The following ELAVL2 variants were observed in gnomAD, a reference collection of about 807,000 sequenced individuals.
The protein encoded by ELAVL2 is ELAV-like protein 2.
Under a neutral mutation model 34.6 loss-of-function variants are expected in ELAVL2, and 4 were observed. The observed-to-expected ratio is 0.12, with a 90% CI of 0.06 to 0.26. The LOEUF is 0.26. Ranked by LOEUF, ELAVL2 falls within the 10% of genes least tolerant of loss-of-function variation. The pLI is 1.00. For synonymous variants in ELAVL2, 193 were observed against 154.8 expected (o/e 1.25, Z -1.83); for missense variants, 432 against 442.8 (o/e 0.98, Z 0.22).
Position 23,750,031 on chromosome 9 carries a change from G to GAA in ELAVL2, c.229+11973_229+11974dup, listed in dbSNP as rs10718431. 9.7e-3 allele frequency among the ~76,000 whole-genome samples: 1,324 copies of GAA among 136,654 alleles called. 14 individuals are homozygous for GAA. Among genetic ancestry groups the GAA allele is most frequent in the African/African-American group, 0.032 (1,208 of 37,918 alleles). 89.7% of individuals were successfully genotyped at this position (136,654 alleles called of 152,430 possible). A position where few individuals can be genotyped will look rare whatever the true frequency, so the allele number is the denominator to read the frequency against. On this transcript the variant is annotated intron_variant, in intron 2 of 6. Transcript: ENST00000397312. ...CTCCAAGGGTACTGTCTTAAAAAAGGAAAAAAAAAAAAAAGACTCTTTAAA... is the reference window on the plus strand; with the variant it reads ...CTCCAAGGGTACTGTCTTAAAAAAGGAAAAAAAAAAAAAAAAGACTCTTTAAA...
At chr9:23,832,482 T>C in the ELAVL2 span, among the ~76,000 whole-genome samples, 1 of 152,212 alleles carries the variant, frequency 6.6e-6, no homozygotes, top group Non-Finnish European at 1.5e-5. Flanking sequence ...TTCACAAATA[T>C]TTAATATATG....
chr9:23,693,868 C>G (rs1414192127), intron 5 of ELAVL2, among the ~76,000 whole-genome samples: 2 of 152,190 alleles, frequency 1.3e-5, no homozygotes, highest in Non-Finnish European at 2.9e-5. Flanking sequence ...TTGGTGCCTG[C>G]AGATACCTAA....
chr9:23,724,100 T>C (rs890989464), intron 3 of ELAVL2, among the ~76,000 whole-genome samples: 1 of 152,212 alleles, frequency 6.6e-6, no homozygotes, highest in Non-Finnish European at 1.5e-5. Flanking sequence ...AGTTTAAGCA[T>C]CTGCCATGAG....
intron 2 of ELAVL2, among the ~76,000 whole-genome samples, chr9:23,749,793 G>A (rs746593840): frequency 1.3e-5 from 2 of 152,020 alleles, no homozygotes; most frequent in Non-Finnish European, 2.9e-5. Flanking sequence ...CCATCAATTT[G>A]GTCCTGCTTG....
chr9:23,751,745 C>T (rs1300820440), intron 2 of ELAVL2, among the ~76,000 whole-genome samples: 2 of 152,096 alleles, frequency 1.3e-5, no homozygotes, highest in Non-Finnish European at 2.9e-5. Context: ...TTCGAAAGCC[C>T]AGTAATAGCT....
intron 2 of ELAVL2, among the ~76,000 whole-genome samples, chr9:23,759,606 C>T (rs1588175716): frequency 6.6e-6 from 1 of 151,116 alleles, no homozygotes; most frequent in South Asian, 2.1e-4. Flanking sequence ...TGCTATAATA[C>T]CCTGCTTGAT....
At chr9:23,821,859 G>A (rs1056356108) in intron 1 of ELAVL2, 4 of 151,462 alleles carry the variant, frequency 2.6e-5, no homozygotes, top group South Asian at 2.1e-4. Context: ...AGCGGGGCGG[G>A]AAGGAGGGGC....
intron 1 of ELAVL2, among the ~76,000 whole-genome samples, chr9:23,785,431 A>G (rs1291396279): frequency 1.3e-5 from 2 of 152,232 alleles, no homozygotes; most frequent in Non-Finnish European, 2.9e-5. Context: ...CCTGGAGGAC[A>G]AAAAAGGACT....
intron 1 of ELAVL2, among the ~76,000 whole-genome samples, chr9:23,819,401 G>T (rs1353112991): frequency 6.6e-6 from 1 of 152,044 alleles, no homozygotes; most frequent in East Asian, 1.9e-4. Context: ...AAAGAAAAAA[G>T]GTTCCATAGT....
intron 3 of ELAVL2, among the ~76,000 whole-genome samples, chr9:23,714,909 AG>A (rs1213583020): frequency 6.6e-6 from 1 of 152,204 alleles, no homozygotes; most frequent in East Asian, 1.9e-4. Context: ...AGAGACTAAA[AG>A]AAAAATCTCA....
intron 1 of ELAVL2, among the ~76,000 whole-genome samples, chr9:23,771,511 T>C (rs2057305766): frequency 6.6e-6 from 1 of 152,120 alleles, no homozygotes. Flanking sequence ...ATTCACTTTA[T>C]GGTTGGATAT....
chr9:23,798,994 A>G (rs976596991), intron 1 of ELAVL2, among the ~76,000 whole-genome samples: 1 of 152,212 alleles, frequency 6.6e-6, no homozygotes, highest in African/African-American at 2.4e-5. Flanking sequence ...TGATATGTGT[A>G]CAAAATTTTC....
At chr9:23,779,479 T>A (rs1366352592) in intron 1 of ELAVL2, 1 of 902,194 alleles carries the variant, frequency 1.1e-6, no homozygotes. Context: ...GGCTTCCTTC[T>A]GGCTTCCTTA....
chr9:23,710,270 C>G (rs1369220468), intron 3 of ELAVL2, among the ~76,000 whole-genome samples: 1 of 152,170 alleles, frequency 6.6e-6, no homozygotes, highest in African/African-American at 2.4e-5. Flanking sequence ...AGTGGGCTAT[C>G]AAACACAAGT....
chr9:23,791,580 A>G lies in ELAVL2; in HGVS notation c.-15-29331T>C, dbSNP rs376902342. On this transcript the variant is annotated intron_variant, in intron 1 of 6. Transcript: ENST00000397312. ...TCAGGAAATAAGGCTAAATGAGGTC[A>G]TAAGTGTAAATAATTAAGAATAAAT... 5.3e-5 allele frequency among the ~76,000 whole-genome samples: 8 copies of G among 152,266 alleles called. No individual in the cohort carries two copies. In the South Asian group the frequency reaches 1.2e-3, roughly 24 times the overall value.
intron 5 of ELAVL2, among the ~76,000 whole-genome samples, chr9:23,699,029 G>A (rs1172214775): frequency 6.6e-6 from 1 of 152,170 alleles, no homozygotes; most frequent in East Asian, 1.9e-4. Flanking sequence ...CCTTACAACT[G>A]ACAATCTCTT....
At position 23,731,050 on chromosome 9, in the gene ELAVL2, C is replaced by T; in HGVS notation, c.305G>A (p.Gly102Glu). The change falls in exon 3 of 7, where the codon GGA (glycine) becomes GAA (glutamate). Residue 102 changes from glycine to glutamate, a missense_variant. By Grantham distance (98) the Gly-to-Glu change is moderately conservative. Transcript: ENST00000397312. ...TATTGTTTTGGTTTGAAGTCTCAAT[C>T]CATTCAGGGTGTTGATAGCTTTCTC... is the stretch of plus-strand genomic sequence containing the variant. ...DAEKAINTLN[G>E]LRLQTKTIKV... 1 of 1,612,948 alleles carries T rather than the reference C, an allele frequency of 6.2e-7. No homozygotes were observed.
chr9:23,818,893 C>T (rs969397910), intron 1 of ELAVL2, among the ~76,000 whole-genome samples: 1 of 152,152 alleles, frequency 6.6e-6, no homozygotes, highest in Non-Finnish European at 1.5e-5. Flanking sequence ...GGCTAATTTG[C>T]CACTGTGGTG....
chr9:23,719,624 GT>G lies in ELAVL2; in HGVS notation c.333+11397del, dbSNP rs2043154252. Among the ~76,000 whole-genome samples the G allele has an allele frequency of 2.6e-5, 4 of 152,150 alleles. 1 individual carries two copies. The South Asian group carries it at 8.3e-4, about 32-fold the overall frequency. On this transcript the variant is annotated intron_variant, in intron 3 of 6. Transcript: ENST00000397312. The stretch of plus-strand genomic sequence containing the variant: ...CAGGTCAAAAGGGTTTCTAAATTAA[GT>G]TTGCATATAGCAAAAAATTTTTTCC...
Sources: allele counts gnomAD v4.1 joint callset (sites outside exome capture counted in the v4.1 genomes callset), GRCh38; gene constraint gnomAD v4.1.1; transcripts MANE v1.5; gene names NCBI Gene and HGNC (gene_info 2026-07-23, HGNC 2026-07-21).